VPS13B: variants seen among roughly 807,000 people sequenced by gnomAD.
VPS13B encodes intermembrane lipid transfer protein VPS13B.
A neutral mutation model predicts 426.4 loss-of-function variants in VPS13B; 285 were observed. That is an observed-to-expected ratio of 0.67 (90% CI 0.61 to 0.74). The LOEUF (loss-of-function observed/expected upper bound fraction) is 0.74, where lower values mean the gene tolerates loss of function less well. Ranked by LOEUF, VPS13B falls within the 30% of genes least tolerant of loss-of-function variation. The pLI is 0.00. For synonymous variants in VPS13B, 1,676 were observed against 1,676.4 expected (o/e 1.00, Z 0.01); for missense variants, 4,537 against 4,782.6 (o/e 0.95, Z 1.51).
chr8:99,455,562 T>C (rs1818410223), intron 23 of VPS13B, among the ~76,000 whole-genome samples: 1 of 152,200 alleles, frequency 6.6e-6, no homozygotes, highest in Non-Finnish European at 1.5e-5. Context: ...ATAACCATCA[T>C]CATAATAAAG....
intron 33 of VPS13B, among the ~76,000 whole-genome samples, chr8:99,581,041 G>A (rs1042875760): frequency 2.7e-4 from 36 of 135,586 alleles, no homozygotes; most frequent in Non-Finnish European, 4.7e-4. Context: ...AAATTAGGCA[G>A]GCATGGTGGC....
At chr8:99,246,817 T>C (rs1817244302) in intron 17 of VPS13B, among the ~76,000 whole-genome samples, 2 of 147,068 alleles carry the variant, frequency 1.4e-5, no homozygotes, top group Admixed American at 6.8e-5. Flanking sequence ...ACCACTGCAC[T>C]CCAGCCTGGG....
At chr8:99,153,803 G>A (rs1811204580) in intron 14 of VPS13B, among the ~76,000 whole-genome samples, 2 of 150,824 alleles carry the variant, frequency 1.3e-5, no homozygotes, top group Admixed American at 6.6e-5. Context: ...TTATGTAGAT[G>A]TGAAATTCTG....
chr8:99,612,214 T>C lies in VPS13B; in HGVS notation c.5221-29597T>C, dbSNP rs552371029. ...GTGTTCTTGTGCAACTTTCCTAAAC[T>C]CTTTAAACTTCACTCTCCTCATCTA... On this transcript the variant is annotated intron_variant, in intron 33 of 61. Coordinates refer to ENST00000357162, the MANE Select transcript of VPS13B (RefSeq NM_152564.5). Among the ~76,000 whole-genome samples the C allele has an allele frequency of 3.3e-5, 5 of 152,304 alleles. No homozygotes were observed. In the East Asian group the frequency reaches 9.6e-4, roughly 29 times the overall value.
intron 24 of VPS13B, among the ~76,000 whole-genome samples, chr8:99,478,445 TTG>T (rs1819821705): frequency 1.3e-4 from 9 of 70,824 alleles, no homozygotes; most frequent in African/African-American, 2.7e-4. Context: ...TTTTTTTGTT[TTG>T]TTTTTTTTTT....
chr8:99,658,573 G>A (rs78244214), intron 34 of VPS13B, among the ~76,000 whole-genome samples: 1 of 151,888 alleles, frequency 6.6e-6, no homozygotes, highest in Non-Finnish European at 1.5e-5. Context: ...TGGATATGTA[G>A]GTTGTTTTCT....
chr8:99,588,777 C>T (rs1826441662), intron 33 of VPS13B, among the ~76,000 whole-genome samples: 1 of 151,712 alleles, frequency 6.6e-6, no homozygotes, highest in African/African-American at 2.4e-5. Context: ...AATTTGACTT[C>T]CTCACTTCCT....
At chr8:99,753,568 C>T (rs1810500374) in intron 39 of VPS13B, among the ~76,000 whole-genome samples, 1 of 152,120 alleles carries the variant, frequency 6.6e-6, no homozygotes, top group African/African-American at 2.4e-5. Flanking sequence ...TTTATTCTTT[C>T]TCTTTAAGGA....
At chr8:99,329,176 T>C (rs1335573576) in intron 19 of VPS13B, among the ~76,000 whole-genome samples, 3 of 152,158 alleles carry the variant, frequency 2.0e-5, no homozygotes, top group Non-Finnish European at 4.4e-5. Context: ...TGAACTGTTA[T>C]CTTTCCAGTT....
chr8:99,496,835 A>G (rs1820913834), intron 25 of VPS13B, among the ~76,000 whole-genome samples: 1 of 152,048 alleles, frequency 6.6e-6, no homozygotes, highest in Non-Finnish European at 1.5e-5. Context: ...GGTTTTCAGT[A>G]GTTTCAATAA....
At chr8:99,133,537 C>T (rs1008732677) in intron 8 of VPS13B, among the ~76,000 whole-genome samples, 8 of 152,292 alleles carry the variant, frequency 5.3e-5, no homozygotes, top group African/African-American at 1.9e-4. Context: ...TATGTTTTGG[C>T]CTGTCTTGGC....
intron 31 of VPS13B, among the ~76,000 whole-genome samples, chr8:99,559,747 T>A (rs1317540266): frequency 6.6e-6 from 1 of 152,208 alleles, no homozygotes; most frequent in Non-Finnish European, 1.5e-5. Context: ...GAGGGCTCTA[T>A]TCTGTTCCAT....
intron 17 of VPS13B, among the ~76,000 whole-genome samples, chr8:99,196,134 T>C (rs1463379029): frequency 6.6e-6 from 1 of 152,192 alleles, no homozygotes; most frequent in Non-Finnish European, 1.5e-5. Flanking sequence ...TGTATATTGC[T>C]TTGGGTAATA....
intron 3 of VPS13B, among the ~76,000 whole-genome samples, chr8:99,047,818 G>C (rs1352438114): frequency 6.6e-6 from 1 of 152,118 alleles, no homozygotes; most frequent in Non-Finnish European, 1.5e-5. Flanking sequence ...CTCCCAAGTA[G>C]CTGGGACTAC....
At chr8:99,789,705 A>C (rs934233725) in intron 43 of VPS13B, among the ~76,000 whole-genome samples, 10 of 152,252 alleles carry the variant, frequency 6.6e-5, no homozygotes, top group African/African-American at 2.2e-4. Flanking sequence ...GCATAAGACT[A>C]TCTTATAGAT....
At chr8:99,825,574 A>G (rs1053237856) in intron 51 of VPS13B, among the ~76,000 whole-genome samples, 5 of 152,128 alleles carry the variant, frequency 3.3e-5, no homozygotes, top group African/African-American at 9.7e-5. Context: ...CTCTAGTTTA[A>G]TTAGATTCCA....
chr8:99,510,568 T>C (rs1821732401), intron 28 of VPS13B, among the ~76,000 whole-genome samples: 1 of 152,224 alleles, frequency 6.6e-6, no homozygotes, highest in Admixed American at 6.5e-5. Flanking sequence ...CGTGGCTCAA[T>C]CTCGGCTCAC....
intron 54 of VPS13B, among the ~76,000 whole-genome samples, chr8:99,840,866 G>C (rs912052057): frequency 2.0e-5 from 3 of 152,166 alleles, no homozygotes; most frequent in Non-Finnish European, 4.4e-5. Flanking sequence ...GTCAGTGCAG[G>C]TGAATATCTG....
At chr8:99,547,114 A>G (rs7004966) in intron 30 of VPS13B, among the ~76,000 whole-genome samples, 26,464 of 151,994 alleles carry the variant, frequency 0.17, 2,819 homozygotes, top group East Asian at 0.38. Flanking sequence ...TTTGAGAATC[A>G]ATAGGGATGC....
Sources: allele counts gnomAD v4.1 joint callset (sites outside exome capture counted in the v4.1 genomes callset), GRCh38; gene constraint gnomAD v4.1.1; transcripts MANE v1.5; gene names NCBI Gene and HGNC (gene_info 2026-07-23, HGNC 2026-07-21).